RAG1: variants seen among roughly 807,000 people sequenced by gnomAD.
RAG1 encodes the protein V(D)J recombination-activating protein 1.
RAG1 carries 35 observed loss-of-function variants against 62.7 expected under a neutral mutation model. The observed-to-expected ratio is 0.56, with a 90% CI of 0.43 to 0.74. The LOEUF (loss-of-function observed/expected upper bound fraction) is 0.74, where lower values mean the gene tolerates loss of function less well. RAG1 is among the 30% of genes least tolerant of loss of function. The pLI, the probability that RAG1 is intolerant of heterozygous loss-of-function variation, is 0.00. For synonymous variants in RAG1, 461 were observed against 470.3 expected (o/e 0.98, Z 0.26); for missense variants, 1,169 against 1,278.6 (o/e 0.91, Z 1.31).
In RAG1 at chr11:36,575,794, A is replaced by G; in HGVS notation, c.2490A>G (p.Lys830=). Reference sequence around the variant, plus strand: ...CCAATGCTTCCAAAGAGGAAAGGAAAAGGTGGCAGGCCACACTGGACAAGC... The same window carrying G: ...CCAATGCTTCCAAAGAGGAAAGGAAGAGGTGGCAGGCCACACTGGACAAGC... ...KNPNASKEER[K]RWQATLDKHL... is the part of the protein sequence containing the mutation. Residue 830 remains lysine (K), a synonymous_variant, in exon 2 of 2, where the codon AAA becomes AAG. Transcript: ENST00000299440. The surrounding 1 kb of genome is among the most constrained non-coding windows in gnomAD (Gnocchi z 4.1). 1 of 1,614,242 alleles carries G rather than the reference A, an allele frequency of 6.2e-7. No homozygotes were observed. Among genetic ancestry groups the G allele is most frequent in the South Asian group, 1.1e-5 (1 of 91,080 alleles).
intron 3 of RAG1, among the ~76,000 whole-genome samples, chr11:36,546,511 T>C (rs748514766): frequency 2.4e-4 from 36 of 152,190 alleles, no homozygotes; most frequent in Non-Finnish European, 4.7e-4. Flanking sequence ...GCCACATCGA[T>C]GGGTGTTTAC....
intron 3 of RAG1, among the ~76,000 whole-genome samples, chr11:36,541,056 T>A (rs1860409204): frequency 6.6e-6 from 1 of 152,180 alleles, no homozygotes; most frequent in Non-Finnish European, 1.5e-5. Context: ...TGACATGATA[T>A]GATGGTCTGT....
intron 3 of RAG1, among the ~76,000 whole-genome samples, chr11:36,560,243 G>A (rs972293579): frequency 1.3e-5 from 2 of 152,154 alleles, no homozygotes; most frequent in Non-Finnish European, 2.9e-5. Flanking sequence ...TAGCTCTGCT[G>A]GTCATCAGTA....
chr11:36,575,170 A>C lies in RAG1; in HGVS notation c.1866A>C (p.Ala622=), dbSNP rs752919103. 1.4e-5 allele frequency: 23 copies of C among 1,614,210 alleles called. No individual in the cohort carries two copies. The South Asian group carries it at 2.4e-4, about 17-fold the overall frequency. The stretch of plus-strand genomic sequence containing the variant: ...GTGGGCCTGTAGTTCCAGAAAAGGC[A>C]GTCCGTTTTTCATTCACAATCATGA... ...HGSGPVVPEK[A]VRFSFTIMKI... Residue 622 remains alanine (A), a synonymous_variant, in exon 2 of 2, where the codon GCA becomes GCC. Transcript: ENST00000299440. The surrounding 1 kb of genome is among the most constrained non-coding windows in gnomAD (Gnocchi z 4.1).
downstream of RAG1, among the ~76,000 whole-genome samples, chr11:36,537,247 T>G (rs1860346280): frequency 6.6e-6 from 1 of 152,194 alleles, no homozygotes; most frequent in South Asian, 2.1e-4. Flanking sequence ...ATTGTGCACT[T>G]TAAAATATGT....
intron 3 of RAG1, among the ~76,000 whole-genome samples, chr11:36,549,125 A>C (rs1850444548): frequency 6.6e-6 from 1 of 152,250 alleles, no homozygotes; most frequent in African/African-American, 2.4e-5. Flanking sequence ...AATTAACTCA[A>C]GATGGATTAA....
chr11:36,538,083 C>T (rs887218232), downstream of RAG1, among the ~76,000 whole-genome samples: 2 of 152,032 alleles, frequency 1.3e-5, no homozygotes, highest in African/African-American at 4.8e-5. Flanking sequence ...CTTATAGGAA[C>T]AAAAGTAAAA....
chr11:36,575,079 G>A lies in RAG1; in HGVS notation c.1775G>A (p.Gly592Asp). The A allele has an allele frequency of 6.2e-7, 1 of 1,614,174 alleles. No homozygotes were observed. Among genetic ancestry groups the A allele is most frequent in the South Asian group, 1.1e-5 (1 of 91,078 alleles). ...RSQDLDDYLN[G>D]PFTVVVKESC... ...CAAGACCTTGATGATTACCTGAATG[G>A]CCCCTTCACTGTGGTGGTGAAGGAG... Residue 592 changes from glycine to aspartate, a missense_variant, in exon 2 of 2, where the codon GGC becomes GAC. By Grantham distance (94) the Gly-to-Asp change is moderately conservative. Around this residue, in one of 2 missense-constraint regions of RAG1, gnomAD observed 800 missense variants for 943.3 expected, o/e 0.85. Coordinates refer to ENST00000299440, the MANE Select transcript of RAG1 (RefSeq NM_000448.3). The surrounding 1 kb of genome is among the most constrained non-coding windows in gnomAD (Gnocchi z 4.1).
chr11:36,536,433 A>G (rs1860327710), downstream of RAG1, among the ~76,000 whole-genome samples: 1 of 152,138 alleles, frequency 6.6e-6, no homozygotes, highest in African/African-American at 2.4e-5. Flanking sequence ...GGAGGTATTT[A>G]TAGGTATTAA....
intron 2 of RAG1, among the ~76,000 whole-genome samples, chr11:36,529,536 C>T (rs1031715633): frequency 1.1e-4 from 17 of 152,136 alleles, no homozygotes; most frequent in Non-Finnish European, 2.4e-4. Flanking sequence ...CAGCCAATAT[C>T]ATACTGAATG....
chr11:36,533,769 A>G (rs2133258131), intron 2 of RAG1, among the ~76,000 whole-genome samples: 1 of 152,180 alleles, frequency 6.6e-6, no homozygotes, highest in Non-Finnish European at 1.5e-5. Flanking sequence ...TGCGATAGTA[A>G]TCATTATTAT....
chr11:36,544,644 G>A (rs369161744), intron 3 of RAG1, among the ~76,000 whole-genome samples: 20 of 152,212 alleles, frequency 1.3e-4, no homozygotes, highest in African/African-American at 3.6e-4. Flanking sequence ...CTTGAAGACC[G>A]TTGCATTTAA....
chr11:36,522,834 G>A (rs954583167), intron 2 of RAG1, among the ~76,000 whole-genome samples: 1 of 152,220 alleles, frequency 6.6e-6, no homozygotes, highest in Non-Finnish European at 1.5e-5. Context: ...AGACAAAGGA[G>A]ATCATTTTGG....
chr11:36,543,859 G>A (rs1420988076), intron 3 of RAG1, among the ~76,000 whole-genome samples: 2 of 152,164 alleles, frequency 1.3e-5, no homozygotes, highest in Non-Finnish European at 2.9e-5. Context: ...TGTGGACATA[G>A]TATTCATTTC....
At chr11:36,529,800 A>C (rs1237594357) in intron 2 of RAG1, among the ~76,000 whole-genome samples, 1 of 151,770 alleles carries the variant, frequency 6.6e-6, no homozygotes, top group Non-Finnish European at 1.5e-5. Context: ...TAATATCTTC[A>C]TTTCATTTTG....
intron 3 of RAG1, among the ~76,000 whole-genome samples, chr11:36,560,574 A>G (rs1850569405): frequency 6.6e-6 from 1 of 152,166 alleles, no homozygotes; most frequent in African/African-American, 2.4e-5. Flanking sequence ...ATGCAGTTCC[A>G]TAGTAGCTTG....
chr11:36,530,349 C>T (rs1036032372), intron 2 of RAG1, among the ~76,000 whole-genome samples: 4 of 151,560 alleles, frequency 2.6e-5, no homozygotes, highest in African/African-American at 9.7e-5. Flanking sequence ...CTTTTTATTA[C>T]TTCTTTCCTT....
chr11:36,518,420 A>T (rs1279762735), intron 1 of RAG1, among the ~76,000 whole-genome samples: 1 of 152,190 alleles, frequency 6.6e-6, no homozygotes, highest in Non-Finnish European at 1.5e-5. Context: ...CGCCACACTG[A>T]CTTCCACTAT....
intron 3 of RAG1, among the ~76,000 whole-genome samples, chr11:36,551,120 A>G (rs1850475485): frequency 6.6e-6 from 1 of 152,168 alleles, no homozygotes; most frequent in South Asian, 2.1e-4. Context: ...GAATGCAGTC[A>G]AAGCAAAAGG....
Sources: allele counts gnomAD v4.1 joint callset (sites outside exome capture counted in the v4.1 genomes callset), GRCh38; gene constraint gnomAD v4.1.1; regional missense constraint gnomAD v4.1.1; non-coding constraint Gnocchi (gnomAD v3.1); transcripts MANE v1.5; gene names NCBI Gene and HGNC (gene_info 2026-07-23, HGNC 2026-07-21).